The following LILRB1 variants were observed in gnomAD, a reference collection of about 807,000 sequenced individuals.
LILRB1 encodes the protein leukocyte immunoglobulin like receptor B1, also known as leukocyte immunoglobulin-like receptor subfamily B member 1.
LILRB1 carries 59 observed loss-of-function variants against 74.6 expected under a neutral mutation model. The ratio of observed to expected loss-of-function variants is 0.79; its 90% CI spans 0.64 to 0.98. The LOEUF (loss-of-function observed/expected upper bound fraction) is 0.98. Ranked by LOEUF, LILRB1 falls within the 50% of genes least tolerant of loss-of-function variation. The pLI is 0.00. For missense variants in LILRB1, 804 were observed against 822.6 expected (o/e 0.98, Z 0.28); for synonymous variants, 328 against 333.9 (o/e 0.98, Z 0.19).
chr19:54,628,067 C>T (rs570139371), upstream of LILRB1, among the ~76,000 whole-genome samples: 7 of 152,306 alleles, frequency 4.6e-5, no homozygotes, highest in East Asian at 9.6e-4. Flanking sequence ...TTTCCACTGG[C>T]TGGAACAGGA....
rs1397395005 is a variant in LILRB1, at chr19:54,633,736, G to C, written c.1312+48G>C. On this transcript the variant is annotated intron_variant, in intron 8 of 14. Coordinates refer to ENST00000324602, the MANE Select transcript of LILRB1 (RefSeq NM_001081637.3). Reference sequence around the variant, plus strand: ...CTCAAGGGAGTGCGGCCTCCCCCAGGGCAGCCCTGGGTCTCCCAGAGAATC... The same window carrying C: ...CTCAAGGGAGTGCGGCCTCCCCCAGCGCAGCCCTGGGTCTCCCAGAGAATC... 3 of 1,579,110 alleles carry C rather than the reference G, an allele frequency of 1.9e-6. No homozygotes were observed. In the African/African-American group the frequency reaches 4.1e-5, roughly 22 times the overall value.
At chr19:54,620,072 T>A (rs2063415743) in intron 1 of LILRB1, among the ~76,000 whole-genome samples, 1 of 151,960 alleles carries the variant, frequency 6.6e-6, no homozygotes, top group South Asian at 2.1e-4. Context: ...AAAGTAGGTT[T>A]TTTTCTAGTT....
At position 54,631,582 on chromosome 19, in the gene LILRB1, G is replaced by A. The variant is rs759126790; in HGVS notation, c.153G>A (p.Gly51=). The A allele has an allele frequency of 5.0e-6, 8 of 1,614,140 alleles. No individual in the cohort carries two copies. The South Asian group carries it at 5.5e-5, about 11-fold the overall frequency. ...GTCCTGTGACCCTCAGGTGTCAGGG[G>A]GGCCAGGAGACCCAGGAGTACCGTC... ...QGSPVTLRCQ[G]GQETQEYRLY... Residue 51 remains glycine (G), a synonymous_variant, in exon 4 of 15, where the codon GGG becomes GGA. Coordinates refer to ENST00000324602, the MANE Select transcript of LILRB1 (RefSeq NM_001081637.3).
upstream of LILRB1, among the ~76,000 whole-genome samples, chr19:54,625,971 C>A (rs948545683): frequency 6.6e-5 from 10 of 152,038 alleles, no homozygotes; most frequent in African/African-American, 2.4e-4. Flanking sequence ...ACTCACTCAC[C>A]CCTTCCCCGT....
intron 1 of LILRB1, among the ~76,000 whole-genome samples, chr19:54,622,673 T>G (rs537923978): frequency 3.7e-4 from 57 of 152,362 alleles, no homozygotes; most frequent in Middle Eastern, 3.4e-3. Context: ...TTCTTTCTGT[T>G]GCCTGATTGC....
intron 10 of LILRB1, 30 bp from the exon 11 acceptor site, chr19:54,635,074 A>G (rs2064272860): frequency 7.0e-7 from 1 of 1,438,614 alleles, no homozygotes. Flanking sequence ...CAATGTTCCC[A>G]GGGCTGAGGC....
intron 13 of LILRB1, chr19:54,636,284 G>C (rs552542286): frequency 3.0e-6 from 3 of 998,888 alleles, no homozygotes; most frequent in Non-Finnish European, 4.4e-6. Flanking sequence ...AGGAAGGCCC[G>C]TGAGGCTGCA....
At chr19:54,634,913 A>C in intron 10 of LILRB1, 150 bp downstream of exon 10, 2 of 1,478,948 alleles carry the variant, frequency 1.4e-6, no homozygotes, top group Non-Finnish European at 1.8e-6. Context: ...CCATCTACAA[A>C]TGTAAAGTGT....
Position 54,633,861 on chromosome 19 carries a change from G to T in LILRB1, c.1313-110G>T, listed in dbSNP as rs1451565112. 3.4e-6 allele frequency: 5 copies of T among 1,480,068 alleles called. No individual in the cohort carries two copies. In the South Asian group the frequency reaches 6.4e-5, roughly 19 times the overall value. The allele number at this position is 1,480,068 out of a possible 1,614,324, so 91.7% of individuals were successfully genotyped here. A position where few individuals can be genotyped will look rare whatever the true frequency, so the allele number is the denominator to read the frequency against. On this transcript the variant is annotated intron_variant, in intron 8 of 14. Transcript: ENST00000324602. ...GGCTCTGAGGCTGGGCTGGTGAGGGGTGGGGGGTCAAGGCAGAGAGAAATG... is the reference window on the plus strand; with the variant it reads ...GGCTCTGAGGCTGGGCTGGTGAGGGTTGGGGGGTCAAGGCAGAGAGAAATG...
rs2064219866 is a variant in LILRB1, at chr19:54,634,542, G to C, written c.1364-99G>C. The stretch of plus-strand genomic sequence containing the variant: ...TTTCTGTGCTGCACGACTGTTGTGG[G>C]GGTTGGAGGTGGTGAACAGAAGGTC... On this transcript the variant is annotated intron_variant, in intron 9 of 14. Transcript: ENST00000324602. 3.3e-6 allele frequency: 5 copies of C among 1,519,506 alleles called. No homozygotes were observed. In the South Asian group the frequency reaches 6.1e-5, roughly 18 times the overall value. 94.1% of individuals were successfully genotyped at this position (1,519,506 alleles called of 1,614,324 possible).
At chr19:54,626,782 G>A (rs149385620), upstream of LILRB1, among the ~76,000 whole-genome samples, 63 of 152,134 alleles carry the variant, frequency 4.1e-4, no homozygotes, top group African/African-American at 1.4e-3. Context: ...GTTTCTCCCC[G>A]GGCTGACTCA....
chr19:54,622,564 T>C (rs1232976291), intron 1 of LILRB1, among the ~76,000 whole-genome samples: 1 of 152,224 alleles, frequency 6.6e-6, no homozygotes, highest in Non-Finnish European at 1.5e-5. Context: ...AGTCTACGAG[T>C]CTTCTGGAAG....
At chr19:54,635,420 C>A in intron 12 of LILRB1, 124 bp downstream of exon 12, 6 of 1,514,324 alleles carry the variant, frequency 4.0e-6, no homozygotes, top group Non-Finnish European at 5.4e-6. Flanking sequence ...TCTCACCCCA[C>A]ACTGTGGGGC....
At chr19:54,633,580 G>A in intron 7 of LILRB1, 58 bp from the exon 8 acceptor site, 1 of 1,534,444 alleles carries the variant, frequency 6.5e-7, no homozygotes, top group Admixed American at 1.9e-5. Context: ...AATTTGGTTT[G>A]AGGTGGAGAC....
At chr19:54,631,128 G>T in intron 2 of LILRB1, 21 bp downstream of exon 2, 2 of 1,613,970 alleles carry the variant, frequency 1.2e-6, no homozygotes, top group Non-Finnish European at 1.7e-6. Flanking sequence ...AAGAAGGAGG[G>T]GAGCTTCTAA....
chr19:54,621,318 C>A (rs979537710), intron 1 of LILRB1, among the ~76,000 whole-genome samples: 3 of 152,172 alleles, frequency 2.0e-5, no homozygotes, highest in Non-Finnish European at 4.4e-5. Context: ...TCCTACCAAC[C>A]ATGTATCTTG....
chr19:54,630,920 G>C, intron 1 of LILRB1, 106 bp from the exon 2 acceptor site: 1 of 1,462,192 alleles, frequency 6.8e-7, no homozygotes, highest in South Asian at 1.2e-5. Context: ...AAGGGTCCTG[G>C]GGAGGGCAGT....
upstream of LILRB1, among the ~76,000 whole-genome samples, chr19:54,628,104 G>A (rs544929392): frequency 1.0e-3 from 152 of 152,222 alleles, 4 homozygotes; most frequent in South Asian, 0.03. Flanking sequence ...TGTCCCGATT[G>A]GCTAGTAACT....
chr19:54,619,954 G>GTT (rs547546954), intron 1 of LILRB1, among the ~76,000 whole-genome samples: 2,053 of 144,596 alleles, frequency 0.014, 17 homozygotes, highest in Non-Finnish European at 0.022. Flanking sequence ...GTTAAACCTC[G>GTT]TTTTTTTTTT....
Sources: allele counts gnomAD v4.1 joint callset (sites outside exome capture counted in the v4.1 genomes callset), GRCh38; gene constraint gnomAD v4.1.1; transcripts MANE v1.5; gene names NCBI Gene and HGNC (gene_info 2026-07-23, HGNC 2026-07-21).